The following SYT8 variants were observed in gnomAD, a reference collection of about 807,000 sequenced individuals.
SYT8 encodes the protein synaptotagmin 8.
Under a neutral mutation model 34.9 loss-of-function variants are expected in SYT8, and 50 were observed. That is an observed-to-expected ratio of 1.43 (90% CI 1.14 to 1.81). The LOEUF is 1.81. SYT8 is among the 40% of genes most tolerant of loss of function. SYT8 has a pLI of 0.00. For missense variants in SYT8, 595 were observed against 529.0 expected (o/e 1.12, Z -1.22); for synonymous variants, 255 against 234.2 (o/e 1.09, Z -0.81).
At position 1,835,030 on chromosome 11, in the gene SYT8, G is replaced by T; in HGVS notation, c.-76G>T. ...TGCTGCTAGTCAGATGGGGTAGCGGGCAGGGGCCGGAGGGGCCACCCTCCC... is the reference window on the plus strand; with the variant it reads ...TGCTGCTAGTCAGATGGGGTAGCGGTCAGGGGCCGGAGGGGCCACCCTCCC... On this transcript the variant is annotated 5_prime_UTR_variant, in exon 1 of 8. Coordinates refer to ENST00000341958, the MANE Select transcript of SYT8 (RefSeq NM_001394072.1). The T allele has an allele frequency of 2.0e-6, 3 of 1,475,016 alleles. No individual in the cohort carries two copies. The South Asian group carries it at 3.5e-5, about 17-fold the overall frequency. The allele number at this position is 1,475,016 out of a possible 1,614,324, so 91.4% of individuals were successfully genotyped here.
upstream of SYT8, chr11:1,834,723 G>A: frequency 9.4e-7 from 1 of 1,064,982 alleles, no homozygotes; most frequent in Non-Finnish European, 1.4e-6. This position sits in a 1 kb window ranked among gnomAD's most constrained non-coding sequence, Gnocchi z 4.5. Flanking sequence ...GCCCAGGAGA[G>A]AGAAGCAGGG....
Position 1,835,444 on chromosome 11 carries a change from C to T in SYT8, c.243C>T (p.Thr81=). 6.2e-7 allele frequency: 1 copy of T among 1,609,484 alleles called. No homozygotes were observed. The highest frequency in any genetic ancestry group is 8.5e-7 in the Non-Finnish European group (1 of 1,179,572). The change falls in exon 2 of 8, where the codon ACC becomes ACT. Residue 81 remains threonine, a synonymous_variant. Coordinates refer to ENST00000341958, the MANE Select transcript of SYT8 (RefSeq NM_001394072.1). ...TGGGTCTGGGCAGTGCCCGCGGCAC[C>T]ACCACCACCCACCTGGTGAGGAGCG... is the stretch of plus-strand genomic sequence containing the variant. ...ESVGLGSARG[T]TTTHLVQPDV...
At chr11:1,834,922 C>T, upstream of SYT8, 2 of 649,136 alleles carry the variant, frequency 3.1e-6, no homozygotes, top group African/African-American at 1.8e-5. The surrounding 1 kb of genome is among the most constrained non-coding windows in gnomAD (Gnocchi z 4.5). Flanking sequence ...CAGAGCCTCC[C>T]TCCCTTCAGC....
At chr11:1,833,601 C>G (rs577132950), upstream of SYT8, among the ~76,000 whole-genome samples, 1 of 152,220 alleles carries the variant, frequency 6.6e-6, no homozygotes, top group East Asian at 1.9e-4. Flanking sequence ...AGCCACAAAA[C>G]TAGAGCTCCC....
Position 1,835,037 on chromosome 11 carries a change from C to A in SYT8, c.-69C>A. 2 of 1,515,664 alleles carry A rather than the reference C, an allele frequency of 1.3e-6. No homozygotes were observed. The highest frequency in any genetic ancestry group is 9.1e-7 in the Non-Finnish European group (1 of 1,097,008). 93.9% of individuals were successfully genotyped at this position (1,515,664 alleles called of 1,614,324 possible). On this transcript the variant is annotated 5_prime_UTR_variant, in exon 1 of 8. Coordinates refer to ENST00000341958, the MANE Select transcript of SYT8 (RefSeq NM_001394072.1). ...AGTCAGATGGGGTAGCGGGCAGGGG[C>A]CGGAGGGGCCACCCTCCCAGCTGAC...
upstream of SYT8, chr11:1,833,858 G>GTGTGTGTGTGTT: frequency 7.2e-6 from 1 of 138,180 alleles, no homozygotes; most frequent in South Asian, 2.3e-4. Context: ...GTGTGTGTGT[G>GTGTGTGTGTGTT]TGTGTCTGGA....
chr11:1,834,898 C>A, upstream of SYT8: 1 of 632,768 alleles, frequency 1.6e-6, no homozygotes, highest in Non-Finnish European at 2.7e-6. The surrounding 1 kb of genome is among the most constrained non-coding windows in gnomAD (Gnocchi z 4.5). Context: ...TAAGCTGGAG[C>A]TTTGGCCAGG....
upstream of SYT8, among the ~76,000 whole-genome samples, chr11:1,832,960 C>A (rs1326520979): frequency 1.3e-5 from 2 of 152,260 alleles, no homozygotes; most frequent in Non-Finnish European, 2.9e-5. Context: ...CATGCCCGCA[C>A]TCACAGATGG....
rs1404986404 is a variant in SYT8, at chr11:1,835,607, G to A, written c.258+148G>A. 6.3e-6 allele frequency: 6 copies of A among 946,718 alleles called. No homozygotes were observed. In the African/African-American group the frequency reaches 9.8e-5, roughly 15 times the overall value. 58.6% of individuals were successfully genotyped at this position (946,718 alleles called of 1,614,324 possible). On this transcript the variant is annotated intron_variant, in intron 2 of 7. Transcript: ENST00000341958. ...AGGACCTTCCTGGCAGGGAAAGTGG[G>A]TGAACAGAGGTGAGAAGGAGGCCAT...
upstream of SYT8, chr11:1,834,567 T>C: frequency 6.3e-7 from 1 of 1,577,758 alleles, no homozygotes; most frequent in South Asian, 1.2e-5. The surrounding 1 kb of genome is among the most constrained non-coding windows in gnomAD (Gnocchi z 4.5). Flanking sequence ...GGGGCTGCAG[T>C]GAACATGCTC....
At chr11:1,832,631 C>T (rs1184265636), upstream of SYT8, among the ~76,000 whole-genome samples, 1 of 152,104 alleles carries the variant, frequency 6.6e-6, no homozygotes, top group Non-Finnish European at 1.5e-5. Context: ...ACCTGGTGGC[C>T]ATGCGCCCGC....
upstream of SYT8, chr11:1,833,860 G>GTA (rs1289742241): frequency 2.0e-4 from 28 of 143,188 alleles, no homozygotes; most frequent in African/African-American, 7.3e-4. Context: ...GTGTGTGTGT[G>GTA]TGTCTGGAGT....
chr11:1,836,677 G>A, intron 5 of SYT8, 79 bp from the exon 6 acceptor site: 2 of 1,593,308 alleles, frequency 1.3e-6, no homozygotes, highest in African/African-American at 1.3e-5. Context: ...CAGGCCTGAT[G>A]GGCAGCATTT....
chr11:1,833,312 C>G (rs948594057), upstream of SYT8, among the ~76,000 whole-genome samples: 3 of 152,218 alleles, frequency 2.0e-5, no homozygotes, highest in Non-Finnish European at 2.9e-5. Context: ...GGGACTCACC[C>G]AAAGGGTCCC....
Position 1,835,824 on chromosome 11 carries a change from G to A in SYT8, c.259-62G>A, listed in dbSNP as rs549988897. The A allele has an allele frequency of 3.5e-6, 5 of 1,434,406 alleles. No individual in the cohort carries two copies. In the East Asian group the frequency reaches 9.1e-5, roughly 26 times the overall value. 88.9% of individuals were successfully genotyped at this position (1,434,406 alleles called of 1,614,324 possible). A position where few individuals can be genotyped will look rare whatever the true frequency, so the allele number is the denominator to read the frequency against. ...CATGTCATGCAAGGGCTGCCCGGGA[G>A]CCCAGGGCTCTGATGAGGCATGATG... is the stretch of plus-strand genomic sequence containing the variant. On this transcript the variant is annotated intron_variant, in intron 2 of 7. Coordinates refer to ENST00000341958, the MANE Select transcript of SYT8 (RefSeq NM_001394072.1).
Position 1,835,875 on chromosome 11 carries a change from A to C in SYT8, c.259-11A>C. 1.2e-6 allele frequency: 2 copies of C among 1,610,376 alleles called. No homozygotes were observed. Among genetic ancestry groups the C allele is most frequent in the South Asian group, 1.1e-5 (1 of 90,920 alleles). On this transcript the variant is annotated splice_polypyrimidine_tract_variant and intron_variant, in intron 2 of 7. Transcript: ENST00000341958. ...TCAGCACCACCTGCCCCTTGTCCCA[A>C]CTCACTCCAGGTGCAACCTGATGTG...
chr11:1,831,848 G>C (rs112609219), upstream of SYT8: 8 of 446,108 alleles, frequency 1.8e-5, no homozygotes, highest in African/African-American at 1.0e-4. Context: ...TCGGGTGTCT[G>C]AGAGGAAGGC....
upstream of SYT8, among the ~76,000 whole-genome samples, chr11:1,832,708 C>T (rs1846712461): frequency 2.0e-5 from 3 of 152,212 alleles, no homozygotes; most frequent in Admixed American, 1.3e-4. Flanking sequence ...GCTTTGGGAC[C>T]CCCAGCATCG....
At position 1,835,041 on chromosome 11, in the gene SYT8, A is replaced by G; in HGVS notation, c.-65A>G. 1 of 1,548,138 alleles carries G rather than the reference A, an allele frequency of 6.5e-7. No individual in the cohort carries two copies. The highest frequency in any genetic ancestry group is 1.1e-5 in the South Asian group (1 of 89,204). On this transcript the variant is annotated 5_prime_UTR_variant, in exon 1 of 8. Transcript: ENST00000341958. ...AGATGGGGTAGCGGGCAGGGGCCGG[A>G]GGGGCCACCCTCCCAGCTGACCCAG...
Sources: gnomAD v4.1 joint callset for allele counts (sites outside exome capture counted in the v4.1 genomes callset) on GRCh38, gnomAD v4.1.1 for gene constraint, Gnocchi (gnomAD v3.1) non-coding constraint, MANE v1.5 for transcripts, NCBI Gene and HGNC (gene_info 2026-07-23, HGNC 2026-07-21) for gene names.